The following NEK10 variants were observed in gnomAD, a reference collection of about 807,000 sequenced individuals.
NEK10 encodes the protein serine/threonine-protein kinase Nek10.
A neutral mutation model predicts 159.8 loss-of-function variants in NEK10; 122 were observed. That is an observed-to-expected ratio of 0.76 (90% CI 0.66 to 0.89). The LOEUF is 0.89. NEK10 is among the 40% of genes least tolerant of loss of function. The pLI is 0.00. For missense variants in NEK10, 1,342 were observed against 1,323.1 expected, an observed-to-expected ratio of 1.01 and a Z score of -0.22; for synonymous variants, 466 against 457.1, an observed-to-expected ratio of 1.02 and a Z score of -0.25.
At chr3:27,305,791 A>C (rs2044200318) in intron 11 of NEK10, among the ~76,000 whole-genome samples, 1 of 152,146 alleles carries the variant, frequency 6.6e-6, no homozygotes, top group South Asian at 2.1e-4. Flanking sequence ...ATTGATGGTA[A>C]AGACACAAGG....
chr3:27,279,430 G>A (rs952442444), intron 22 of NEK10, among the ~76,000 whole-genome samples: 3 of 152,062 alleles, frequency 2.0e-5, no homozygotes, highest in African/African-American at 7.2e-5. Flanking sequence ...TCTACTAATT[G>A]CAGCTGCATT....
intron 26 of NEK10, among the ~76,000 whole-genome samples, chr3:27,189,178 G>A (rs1948893492): frequency 6.6e-6 from 1 of 152,012 alleles, no homozygotes; most frequent in South Asian, 2.1e-4. Context: ...CTTTCATAGT[G>A]GGTAAACCAC....
At chr3:27,251,876 A>C (rs1471398243) in intron 23 of NEK10, among the ~76,000 whole-genome samples, 2 of 140,060 alleles carry the variant, frequency 1.4e-5, no homozygotes, top group African/African-American at 5.9e-5. Flanking sequence ...AGATAAAATA[A>C]GCAAAGAGAA....
intron 32 of NEK10, among the ~76,000 whole-genome samples, chr3:27,130,338 A>C (rs955933568): frequency 6.6e-6 from 1 of 152,182 alleles, no homozygotes; most frequent in African/African-American, 2.4e-5. Flanking sequence ...TTATTTTCCC[A>C]GACGAGGTGT....
intron 5 of NEK10, among the ~76,000 whole-genome samples, chr3:27,331,918 C>T (rs983552989): frequency 1.3e-5 from 2 of 152,124 alleles, no homozygotes; most frequent in African/African-American, 2.4e-5. Context: ...AATAAGGATA[C>T]TAACTTATTC....
chr3:27,194,025 G>T (rs747446589), intron 25 of NEK10: 5 of 152,018 alleles, frequency 3.3e-5, no homozygotes, highest in Non-Finnish European at 5.9e-5. Flanking sequence ...AAAATATTTG[G>T]CCATAGACTT....
intron 18 of NEK10, among the ~76,000 whole-genome samples, chr3:27,291,013 A>G (rs147272018): frequency 3.9e-5 from 6 of 152,344 alleles, no homozygotes; most frequent in Non-Finnish European, 7.3e-5. Flanking sequence ...GGGAGAAACT[A>G]TTTTGAATAC....
intron 5 of NEK10, among the ~76,000 whole-genome samples, chr3:27,329,249 T>C (rs2046226639): frequency 6.6e-6 from 1 of 152,240 alleles, no homozygotes; most frequent in Non-Finnish European, 1.5e-5. Context: ...CCCAGCCACA[T>C]GGAAATGTAA....
At chr3:27,120,924 T>A (rs1184233470) in intron 32 of NEK10, among the ~76,000 whole-genome samples, 1 of 152,326 alleles carries the variant, frequency 6.6e-6, no homozygotes, top group East Asian at 1.9e-4. Context: ...AAAAATGGCA[T>A]AATTTGTACT....
Position 27,166,073 on chromosome 3 carries a change from A to T in NEK10, c.2832-3335T>A, listed in dbSNP as rs138588667. ...TGAAATGAGAGGTTTGGCTTACAAT[A>T]GTAAGGTAATGCCTTCCGAAACTAC... On this transcript the variant is annotated intron_variant, in intron 29 of 35. Coordinates refer to ENST00000691995, the MANE Select transcript of NEK10 (RefSeq NM_001394966.1). Among the ~76,000 whole-genome samples, 367 of 152,380 alleles carry T rather than the reference A, an allele frequency of 2.4e-3. 2 individuals are homozygous for T. Among genetic ancestry groups the T allele is most frequent in the African/African-American group, 8.3e-3 (344 of 41,592 alleles).
At chr3:27,192,431 G>T (rs1382575901) in intron 25 of NEK10, among the ~76,000 whole-genome samples, 189 bp from the exon 26 acceptor site, 1 of 152,144 alleles carries the variant, frequency 6.6e-6, no homozygotes, top group Non-Finnish European at 1.5e-5. Flanking sequence ...GAAAGCTAAG[G>T]AAGGAAAAGG....
At chr3:27,285,167 G>T (rs190401412) in intron 20 of NEK10, among the ~76,000 whole-genome samples, 4 of 152,152 alleles carry the variant, frequency 2.6e-5, no homozygotes, top group Non-Finnish European at 4.4e-5. Context: ...CCCAGCCACA[G>T]TTATCTTCTG....
At chr3:27,163,296 C>T (rs181179619) in intron 29 of NEK10, among the ~76,000 whole-genome samples, 2 of 152,178 alleles carry the variant, frequency 1.3e-5, no homozygotes, top group East Asian at 3.9e-4. Flanking sequence ...TTAGACCCCA[C>T]CAGGGATATC....
intron 26 of NEK10, among the ~76,000 whole-genome samples, chr3:27,191,403 G>C (rs948903808): frequency 2.6e-5 from 4 of 152,170 alleles, no homozygotes; most frequent in African/African-American, 9.7e-5. Flanking sequence ...CAAAGACACA[G>C]AAGAAAGAAA....
At chr3:27,212,375 A>G (rs1408988481) in intron 23 of NEK10, among the ~76,000 whole-genome samples, 1 of 152,210 alleles carries the variant, frequency 6.6e-6, no homozygotes, top group African/African-American at 2.4e-5. Flanking sequence ...TAGATCCTAA[A>G]TCTGTAATCT....
chr3:27,368,332 T>TTC (rs2049254651), intron 1 of NEK10, among the ~76,000 whole-genome samples: 2 of 135,562 alleles, frequency 1.5e-5, no homozygotes, highest in African/African-American at 7.7e-5. Flanking sequence ...TATATATATA[T>TTC]ACACATATAT....
intron 23 of NEK10, among the ~76,000 whole-genome samples, chr3:27,227,918 G>A (rs973668525): frequency 1.3e-5 from 2 of 152,204 alleles, no homozygotes; most frequent in Non-Finnish European, 2.9e-5. Context: ...CTGCTTTGTC[G>A]AAAAGCATCC....
intron 23 of NEK10, among the ~76,000 whole-genome samples, chr3:27,204,489 G>A (rs1412645303): frequency 9.1e-6 from 1 of 109,430 alleles, no homozygotes; most frequent in Non-Finnish European, 1.8e-5. Flanking sequence ...TCCCCAGAGT[G>A]TGATATTCCC....
At position 27,208,129 on chromosome 3, in the gene NEK10, G is replaced by A. The variant is rs1559613422; in HGVS notation, c.2091-5572C>T. On this transcript the variant is annotated intron_variant, in intron 23 of 35. Transcript: ENST00000691995. ...GGTTGCTGAAGGTTGGTAAACCGTT[G>A]CCGAGAAATGGCTCAAAAAACCATC... is the stretch of plus-strand genomic sequence containing the variant. Among the ~76,000 whole-genome samples, 3 of 152,042 alleles carry A rather than the reference G, an allele frequency of 2.0e-5. No individual in the cohort carries two copies. In the East Asian group the frequency reaches 5.8e-4, roughly 29 times the overall value.
Sources: gnomAD v4.1 joint callset for allele counts (sites outside exome capture counted in the v4.1 genomes callset) on GRCh38, gnomAD v4.1.1 for gene constraint, MANE v1.5 for transcripts, NCBI Gene and HGNC (gene_info 2026-07-23, HGNC 2026-07-21) for gene names.